Variants in FUT8 observed in about 807,000 individuals in gnomAD.
FUT8 encodes the protein alpha-(1,6)-fucosyltransferase.
In FUT8, 29 loss-of-function variants were observed where a neutral mutation model predicts 71.3. That is an observed-to-expected ratio of 0.41 (90% CI 0.30 to 0.55). FUT8 has a LOEUF of 0.55. Among genes scored for constraint, FUT8 ranks in the 20% least tolerant of loss-of-function variants. The probability of loss-of-function intolerance (pLI) is 0.34; values close to 1 mark genes in which losing one functional copy is unlikely to be tolerated. For synonymous variants in FUT8, 254 were observed against 239.3 expected (o/e 1.06, Z -0.57); for missense variants, 544 against 702.1 (o/e 0.77, Z 2.55).
chr14:65,694,348 T>C (rs1278009190), intron 7 of FUT8, among the ~76,000 whole-genome samples: 1 of 152,196 alleles, frequency 6.6e-6, no homozygotes, highest in Non-Finnish European at 1.5e-5. Flanking sequence ...TCCACAAATT[T>C]TAATGTTTTA....
At chr14:65,411,681 T>C, upstream of FUT8, 1 of 236,296 alleles carries the variant, frequency 4.2e-6, no homozygotes, top group Non-Finnish European at 8.5e-6. Flanking sequence ...GAAATGATTC[T>C]TGTCTTAAGG....
At chr14:65,380,340 C>T in the FUT8 span, among the ~76,000 whole-genome samples, 11,607 of 152,256 alleles carry the variant, frequency 0.076, 605 homozygotes, top group Non-Finnish European at 0.11. Flanking sequence ...GTCCCTCCCA[C>T]AACACATGGG....
At chr14:65,484,314 G>C (rs553988644) in intron 2 of FUT8, among the ~76,000 whole-genome samples, 1 of 152,102 alleles carries the variant, frequency 6.6e-6, no homozygotes, top group Non-Finnish European at 1.5e-5. Flanking sequence ...TCTTAGTCTT[G>C]TTTCTAATCT....
At chr14:65,641,638 T>C (rs1890838910) in intron 6 of FUT8, among the ~76,000 whole-genome samples, 1 of 152,202 alleles carries the variant, frequency 6.6e-6, no homozygotes. Context: ...CAGCAGTGTC[T>C]GAGACTTTTA....
chr14:65,563,414 C>G (rs1886021857), intron 3 of FUT8, among the ~76,000 whole-genome samples: 1 of 151,972 alleles, frequency 6.6e-6, no homozygotes, highest in Non-Finnish European at 1.5e-5. Context: ...ATTTAATTTG[C>G]TGAAGGTCAC....
At position 65,743,208 on chromosome 14, in the gene FUT8, T is replaced by A. The variant is rs1896589532; in HGVS notation, c.*798T>A. 1 of 152,292 alleles carries A rather than the reference T, an allele frequency of 6.6e-6. No homozygotes were observed. Among genetic ancestry groups the A allele is most frequent in the African/African-American group, 2.4e-5 (1 of 41,416 alleles). 9.4% of individuals were successfully genotyped at this position (152,292 alleles called of 1,614,324 possible). The stretch of plus-strand genomic sequence containing the variant: ...GTTGATCAGCCTTATGTGGAAGAAC[T>A]GTGATAAAAAGAGGAGCTTTTTAGT... On this transcript the variant is annotated 3_prime_UTR_variant, in exon 11 of 11. Transcript: ENST00000673929.
At position 65,598,122 on chromosome 14, in the gene FUT8, G is replaced by A. The variant is rs1275761884; in HGVS notation, c.204-17856G>A. Reference sequence around the variant, plus strand: ...CCAGGAAGTCAAGGCTACACAGTAAGCTGTATTTGCACCAGCGTGGGCAAC... The same window carrying A: ...CCAGGAAGTCAAGGCTACACAGTAAACTGTATTTGCACCAGCGTGGGCAAC... On this transcript the variant is annotated intron_variant, in intron 3 of 10. Coordinates refer to ENST00000673929, the MANE Select transcript of FUT8 (RefSeq NM_001371533.1). Among the ~76,000 whole-genome samples the A allele has an allele frequency of 3.3e-5, 5 of 152,280 alleles. No homozygotes were observed. In the East Asian group the frequency reaches 9.6e-4, roughly 29 times the overall value.
At chr14:65,519,328 C>T (rs1272583616) in intron 2 of FUT8, among the ~76,000 whole-genome samples, 2 of 152,074 alleles carry the variant, frequency 1.3e-5, no homozygotes, top group Non-Finnish European at 2.9e-5. Context: ...TATTGGCTGA[C>T]ACAGAAAGAT....
intron 7 of FUT8, among the ~76,000 whole-genome samples, chr14:65,683,180 A>C (rs1386990958): frequency 6.6e-6 from 1 of 151,778 alleles, no homozygotes; most frequent in African/African-American, 2.4e-5. Context: ...TGCCTGGCTA[A>C]TTTTTTGTAT....
At chr14:65,705,019 T>G (rs2140495978) in intron 7 of FUT8, among the ~76,000 whole-genome samples, 1 of 152,314 alleles carries the variant, frequency 6.6e-6, no homozygotes, top group South Asian at 2.1e-4. Flanking sequence ...ATTCCCAGAG[T>G]GTGATATGCT....
rs559036115 is a variant in FUT8, at chr14:65,609,704, G to GTTCA, written c.204-6253_204-6250dup. ...CTTTTTTTAAATTTTTTAAATTTTT[G>GTTCA]TTCATTCATTCATTCATTCATTCAA... On this transcript the variant is annotated intron_variant, in intron 3 of 10. Coordinates refer to ENST00000673929, the MANE Select transcript of FUT8 (RefSeq NM_001371533.1). Among the ~76,000 whole-genome samples the GTTCA allele has an allele frequency of 2.8e-3, 424 of 151,312 alleles. 3 individuals are homozygous for GTTCA. Among genetic ancestry groups the GTTCA allele is most frequent in the East Asian group, 8.3e-3 (43 of 5,164 alleles).
At chr14:65,447,429 A>T (rs2065759758) in intron 1 of FUT8, among the ~76,000 whole-genome samples, 1 of 152,136 alleles carries the variant, frequency 6.6e-6, no homozygotes, top group South Asian at 2.1e-4. Flanking sequence ...TTGAAGAGTT[A>T]TAGGAAAATA....
At chr14:65,439,074 T>TAG (rs896145274) in intron 1 of FUT8, among the ~76,000 whole-genome samples, 5 of 152,220 alleles carry the variant, frequency 3.3e-5, no homozygotes, top group African/African-American at 1.2e-4. Flanking sequence ...GCAGTTCCTC[T>TAG]AGAGAATATG....
intron 1 of FUT8, among the ~76,000 whole-genome samples, chr14:65,434,459 G>C (rs1237311401): frequency 6.6e-6 from 1 of 152,196 alleles, no homozygotes; most frequent in Non-Finnish European, 1.5e-5. Context: ...ACACAAATCG[G>C]GGGTAGTGTC....
In FUT8 at chr14:65,441,961, C is replaced by A. The variant is rs920459716; in HGVS notation, c.-325-13660C>A. Among the ~76,000 whole-genome samples the A allele has an allele frequency of 2.0e-5, 3 of 151,918 alleles. No individual in the cohort carries two copies. In the East Asian group the frequency reaches 5.8e-4, roughly 29 times the overall value. On this transcript the variant is annotated intron_variant, in intron 1 of 10. Coordinates refer to ENST00000673929, the MANE Select transcript of FUT8 (RefSeq NM_001371533.1). Reference sequence around the variant, plus strand: ...TATCCCTCCTCCTCCCACAACCCCACGACAGGCCCCGGTGTGTGATGTTCC... The same window carrying A: ...TATCCCTCCTCCTCCCACAACCCCAAGACAGGCCCCGGTGTGTGATGTTCC...
At chr14:65,511,162 C>T (rs1417853783) in intron 2 of FUT8, among the ~76,000 whole-genome samples, 1 of 152,038 alleles carries the variant, frequency 6.6e-6, no homozygotes, top group Non-Finnish European at 1.5e-5. Flanking sequence ...TCTTCATTGA[C>T]CCACTTGTCA....
chr14:65,488,937 A>G (rs2139713261), intron 2 of FUT8, among the ~76,000 whole-genome samples: 1 of 152,286 alleles, frequency 6.6e-6, no homozygotes, highest in African/African-American at 2.4e-5. Flanking sequence ...GAATAGAAAA[A>G]AAACAACCTG....
chr14:65,551,966 T>C, intron 2 of FUT8, among the ~76,000 whole-genome samples: 1 of 152,192 alleles, frequency 6.6e-6, no homozygotes, highest in East Asian at 1.9e-4. Context: ...ATAATGATCA[T>C]CTGTTTATAT....
chr14:65,365,551 T>A, the FUT8 span, among the ~76,000 whole-genome samples: 1 of 146,356 alleles, frequency 6.8e-6, no homozygotes, highest in East Asian at 2.0e-4. Flanking sequence ...ATAAAGAGCT[T>A]GCTGATAAAA....
Sources: allele counts gnomAD v4.1 joint callset (sites outside exome capture counted in the v4.1 genomes callset), GRCh38; gene constraint gnomAD v4.1.1; transcripts MANE v1.5; gene names NCBI Gene and HGNC (gene_info 2026-07-23, HGNC 2026-07-21).